The following MYO1G variants were observed in gnomAD, a reference collection of about 807,000 sequenced individuals.
MYO1G encodes myosin IG, also known as unconventional myosin-Ig.
In MYO1G, 65 loss-of-function variants were observed where a neutral mutation model predicts 115.3. The ratio of observed to expected loss-of-function variants is 0.56; its 90% confidence interval spans 0.46 to 0.69. The LOEUF (loss-of-function observed/expected upper bound fraction) is 0.69, where lower values mean the gene tolerates loss of function less well. Among genes scored for constraint, MYO1G ranks in the 30% least tolerant of loss-of-function variants. The pLI is 0.00. For synonymous variants in MYO1G, 510 were observed against 552.6 expected (o/e 0.92, Z 1.08); for missense variants, 1,204 against 1,393.5 (o/e 0.86, Z 2.16).
chr7:44,977,779 G>A (rs1187352974), intron 1 of MYO1G, among the ~76,000 whole-genome samples: 1 of 152,038 alleles, frequency 6.6e-6, no homozygotes, highest in Admixed American at 6.5e-5. Context: ...TCTCCCCTTG[G>A]TGTGTGGTAC....
Position 44,963,189 on chromosome 7 carries a change from C to G in MYO1G, c.2746-65G>C. The G allele has an allele frequency of 7.3e-7, 1 of 1,379,228 alleles. No homozygotes were observed. Among genetic ancestry groups the G allele is most frequent in the Non-Finnish European group, 9.3e-7 (1 of 1,072,348 alleles). The allele number at this position is 1,379,228 out of a possible 1,614,324, so 85.4% of individuals were successfully genotyped here. On this transcript the variant is annotated intron_variant, in intron 20 of 21. Transcript: ENST00000258787. This position sits in a 1 kb window ranked among gnomAD's most constrained non-coding sequence, Gnocchi z 4.1. ...CGCACCCCAGCCTAGCCGGACTCACCCCCTCCCCAGGAAGCCTCTGCCGAA... is the reference window on the plus strand; with the variant it reads ...CGCACCCCAGCCTAGCCGGACTCACGCCCTCCCCAGGAAGCCTCTGCCGAA...
intron 9 of MYO1G, 150 bp downstream of exon 9, chr7:44,970,442 G>A (rs1240080236): frequency 1.3e-5 from 13 of 979,276 alleles, no homozygotes; most frequent in Non-Finnish European, 1.9e-5. Context: ...TGCAGGTGAG[G>A]CAGGTTTGGG....
chr7:44,977,477 A>G (rs1280508892), intron 1 of MYO1G, among the ~76,000 whole-genome samples: 1 of 151,984 alleles, frequency 6.6e-6, no homozygotes, highest in African/African-American at 2.4e-5. Flanking sequence ...CTGGGAGGGG[A>G]AGGAGGGGCC....
At chr7:44,968,302 C>T (rs965199217) in intron 12 of MYO1G, among the ~76,000 whole-genome samples, 1 of 152,172 alleles carries the variant, frequency 6.6e-6, no homozygotes, top group African/African-American at 2.4e-5. Flanking sequence ...CTTCAGTGTA[C>T]ATCAGTTGCT....
chr7:44,964,246 C>T lies in MYO1G; in HGVS notation c.2632-84G>A. ...GGCTTCGGCAGTCCCTACTGCCTCC[C>T]CTCCCCGCTGGCGACAGTTTTGGGA... On this transcript the variant is annotated intron_variant, in intron 19 of 21. Transcript: ENST00000258787. This position sits in a 1 kb window ranked among gnomAD's most constrained non-coding sequence, Gnocchi z 5.1. The T allele has an allele frequency of 7.4e-7, 1 of 1,349,426 alleles. No individual in the cohort carries two copies. Among genetic ancestry groups the T allele is most frequent in the South Asian group, 1.2e-5 (1 of 81,182 alleles). 83.6% of individuals were successfully genotyped at this position (1,349,426 alleles called of 1,614,324 possible).
At chr7:44,965,934 C>T in intron 16 of MYO1G, 74 bp from the exon 17 acceptor site, 1 of 1,553,386 alleles carries the variant, frequency 6.4e-7, no homozygotes, top group Non-Finnish European at 8.7e-7. Context: ...AAACCTGGCC[C>T]TGAGCATTTA....
Position 44,977,007 on chromosome 7 carries a change from C to T in MYO1G, c.160G>A (p.Glu54Lys). Residue 54 changes from glutamate (E) to lysine (K), a missense_variant, in exon 2 of 22, where the codon GAG becomes AAG. Transcript: ENST00000258787. The part of the protein sequence containing the change: ...EVLVSVNPYQ[E>K]LPLYGPEAIA... ...GCCTCAGGCCCATACAGGGGCAGCTCCTGGTAGGGGTTCACGGACACCAGC... is the reference window on the plus strand; with the variant it reads ...GCCTCAGGCCCATACAGGGGCAGCTTCTGGTAGGGGTTCACGGACACCAGC... 1.9e-6 allele frequency: 3 copies of T among 1,613,670 alleles called. No homozygotes were observed. Among genetic ancestry groups the T allele is most frequent in the Non-Finnish European group, 2.5e-6 (3 of 1,180,024 alleles).
Position 44,966,363 on chromosome 7 carries a change from GAT to G in MYO1G, c.1950-85_1950-84del. 8.2e-7 allele frequency: 1 copy of G among 1,223,942 alleles called. No individual in the cohort carries two copies. The highest frequency in any genetic ancestry group is 1.2e-6 in the Non-Finnish European group (1 of 863,176). 75.8% of individuals were successfully genotyped at this position (1,223,942 alleles called of 1,614,324 possible). ...ACCCTGCCCACCCCACACCTGGGGA[GAT>G]GGCAGGGATACAGAGTGTGTTCCTG... On this transcript the variant is annotated intron_variant, in intron 15 of 21. Transcript: ENST00000258787. This position sits in a 1 kb window ranked among gnomAD's most constrained non-coding sequence, Gnocchi z 5.0.
chr7:44,970,819 C>T lies in MYO1G; in HGVS notation c.1071+16G>A, dbSNP rs745358562. 3.1e-6 allele frequency: 5 copies of T among 1,613,650 alleles called. No individual in the cohort carries two copies. Among genetic ancestry groups the T allele is most frequent in the East Asian group, 2.2e-5 (1 of 44,884 alleles). ...GGCCTCCTGGGCTTCCCTCCCTGTG[C>T]CTGCCCCCAAAGTACCTTGGCACAG... On this transcript the variant is annotated intron_variant, in intron 8 of 21. Coordinates refer to ENST00000258787, the MANE Select transcript of MYO1G (RefSeq NM_033054.3).
chr7:44,971,033 C>A lies in MYO1G; in HGVS notation c.873G>T (p.Glu291Asp), dbSNP rs1172281136. The change falls in exon 8 of 22, where the codon GAG (glutamate) becomes GAT (aspartate). Residue 291 changes from glutamate (E) to aspartate (D), a missense_variant. Physicochemically the swap from Glu to Asp is conservative, Grantham distance 45. Coordinates refer to ENST00000258787, the MANE Select transcript of MYO1G (RefSeq NM_033054.3). Reference sequence around the variant, plus strand: ...GGCCCTCCTTCTGCAGCCCACCCTCCTCCGTCTCCACAAACTCGATGTTTC... The same window carrying A: ...GGCCCTCCTTCTGCAGCCCACCCTCATCCGTCTCCACAAACTCGATGTTTC... ...HLGNIEFVET[E>D]EGGLQKEGLA... 1 of 1,612,506 alleles carries A rather than the reference C, an allele frequency of 6.2e-7. No individual in the cohort carries two copies. The highest frequency in any genetic ancestry group is 1.7e-5 in the Admixed American group (1 of 59,986).
rs150150326 is a variant in MYO1G at position 44,969,543 on chromosome 7, T to C, written c.1504-60A>G. The stretch of plus-strand genomic sequence containing the variant: ...TATGTGGAGGGTCTGTATGAAGGGA[T>C]AGCCCTGCCTCCCCACCTCCAGGGC... On this transcript the variant is annotated intron_variant, in intron 11 of 21. Coordinates refer to ENST00000258787, the MANE Select transcript of MYO1G (RefSeq NM_033054.3). This position sits in a 1 kb window ranked among gnomAD's most constrained non-coding sequence, Gnocchi z 5.0. 218 of 1,590,896 alleles carry C rather than the reference T, an allele frequency of 1.4e-4. 2 individuals carry two copies. The African/African-American group carries it at 2.5e-3, about 19-fold the overall frequency.
In MYO1G at chr7:44,964,077, C is replaced by T. The variant is rs138226470; in HGVS notation, c.2717G>A (p.Arg906Gln). The T allele has an allele frequency of 5.6e-5, 90 of 1,602,838 alleles. No homozygotes were observed. The African/African-American group carries it at 6.2e-4, about 11-fold the overall frequency. ...CTCAAGGGGCACGGCCCGCATCACC[C>T]GGTACTGCCGGTCAGGGTCCAGCTT... ...LYKLDPDRQYRVMRAVPLEAV... is the reference protein window; with the variant it reads ...LYKLDPDRQYQVMRAVPLEAV... The change falls in exon 20 of 22, where the codon CGG becomes CAG. Residue 906 changes from arginine to glutamine, a missense_variant. Arg to Gln is a conservative substitution (Grantham distance 43). Transcript: ENST00000258787. This position sits in a 1 kb window ranked among gnomAD's most constrained non-coding sequence, Gnocchi z 5.1.
At position 44,972,198 on chromosome 7, in the gene MYO1G, G is replaced by C. The variant is rs1260341217; in HGVS notation, c.646C>G (p.Leu216Val). 3 of 1,614,048 alleles carry C rather than the reference G, an allele frequency of 1.9e-6. No individual in the cohort carries two copies. Among genetic ancestry groups the C allele is most frequent in the Non-Finnish European group, 2.5e-6 (3 of 1,179,964 alleles). ...QLLRGSEDKQLHELHLERNPA... is the reference protein window; with the variant it reads ...QLLRGSEDKQVHELHLERNPA... Reference sequence around the variant, plus strand: ...TTTCTCTCCAAGTGCAGTTCATGCAGCTGCTTGTCCTCACTGCCTCTCAGC... The same window carrying C: ...TTTCTCTCCAAGTGCAGTTCATGCACCTGCTTGTCCTCACTGCCTCTCAGC... The change falls in exon 6 of 22, where the codon CTG becomes GTG. Residue 216 changes from leucine (L) to valine (V), a missense_variant. Coordinates refer to ENST00000258787, the MANE Select transcript of MYO1G (RefSeq NM_033054.3).
At chr7:44,978,775 A>T in intron 1 of MYO1G, 92 bp downstream of exon 1, 1 of 1,247,602 alleles carries the variant, frequency 8.0e-7, no homozygotes, top group Non-Finnish European at 1.2e-6. Context: ...CTTGGACAGC[A>T]GCGTGCCTTC....
At chr7:44,973,693 G>A (rs1451294328) in intron 5 of MYO1G, 1 of 151,310 alleles carries the variant, frequency 6.6e-6, no homozygotes, top group Non-Finnish European at 1.5e-5. Context: ...CCCTGGCAAC[G>A]TCCCAGGGAG....
chr7:44,975,058 T>A (rs952492917), intron 5 of MYO1G, 116 bp downstream of exon 5: 40 of 1,075,390 alleles, frequency 3.7e-5, no homozygotes, highest in Non-Finnish European at 5.3e-5. Flanking sequence ...TAGGTGGGGT[T>A]GAGTGGGCAG....
At chr7:44,977,485 GCCTC>G (rs1355380061) in intron 1 of MYO1G, among the ~76,000 whole-genome samples, 1 of 152,142 alleles carries the variant, frequency 6.6e-6, no homozygotes, top group African/African-American at 2.4e-5. Context: ...GGAAGGAGGG[GCCTC>G]CTCGGCTGTT....
Position 44,976,629 on chromosome 7 carries a change from G to A in MYO1G, c.333C>T (p.Ala111=). The A allele has an allele frequency of 1.2e-6, 2 of 1,614,100 alleles. No individual in the cohort carries two copies. Residue 111 remains alanine (A), a synonymous_variant, in exon 3 of 22, where the codon GCC becomes GCT. Transcript: ENST00000258787. ...SGESGAGKTE[A]SKHIMQYIAA... ...CGATGTACTGCATGATGTGCTTACT[G>A]GCTTCTGTCTTCCCTGCCCCACTCT... is the stretch of plus-strand genomic sequence containing the variant.
At chr7:44,974,984 C>G (rs562261698) in intron 5 of MYO1G, 190 bp downstream of exon 5, 1 of 679,052 alleles carries the variant, frequency 1.5e-6, no homozygotes, top group Non-Finnish European at 2.7e-6. Context: ...AAGTCACACC[C>G]TCTTGTTTGT....
Sources: gnomAD v4.1 joint callset for allele counts (sites outside exome capture counted in the v4.1 genomes callset) on GRCh38, gnomAD v4.1.1 for gene constraint, Gnocchi (gnomAD v3.1) non-coding constraint, MANE v1.5 for transcripts, NCBI Gene and HGNC (gene_info 2026-07-23, HGNC 2026-07-21) for gene names.